IWS1: variants seen among roughly 807,000 people sequenced by gnomAD.
IWS1 encodes the protein interacts with SUPT6H, CTD assembly factor 1, also known as protein IWS1 homolog.
A neutral mutation model predicts 86.7 loss-of-function variants in IWS1; 27 were observed. The ratio of observed to expected loss-of-function variants is 0.31; its 90% confidence interval spans 0.23 to 0.43. IWS1 has a LOEUF of 0.43. Among genes scored for constraint, IWS1 ranks in the 20% least tolerant of loss-of-function variants. The pLI is 1.00. For missense variants in IWS1, 827 were observed against 1,000.8 expected (o/e 0.83, Z 2.34); for synonymous variants, 313 against 335.1 (o/e 0.93, Z 0.72).
In IWS1 at chr2:127,486,326, T is replaced by C. The variant is rs192449640; in HGVS notation, c.2328+227A>G. 2.6e-5 allele frequency: 10 copies of C among 379,692 alleles called. No homozygotes were observed. In the East Asian group the frequency reaches 2.8e-4, roughly 10 times the overall value. 23.5% of individuals were successfully genotyped at this position (379,692 alleles called of 1,614,324 possible). ...GAAGAAACTTCCCTACCTGATAATG[T>C]TGAATTAAGACTGAAGAAAAATTCA... is the stretch of plus-strand genomic sequence containing the variant. On this transcript the variant is annotated intron_variant, in intron 13 of 13. Coordinates refer to ENST00000295321, the MANE Select transcript of IWS1 (RefSeq NM_017969.3).
Position 127,491,681 on chromosome 2 carries a change from G to A in IWS1, c.2047+290C>T, listed in dbSNP as rs781169496. On this transcript the variant is annotated intron_variant, in intron 10 of 13. Transcript: ENST00000295321. ...GATGGTCTCGATCTCCTGACCTTGT[G>A]ATCCGCCCACCTAAGCCTCCCAAAG... Among the ~76,000 whole-genome samples, 105 of 152,088 alleles carry A rather than the reference G, an allele frequency of 6.9e-4. 1 individual carries two copies. The highest frequency in any genetic ancestry group is 6.2e-4 in the Non-Finnish European group (42 of 68,010).
intron 2 of IWS1, among the ~76,000 whole-genome samples, chr2:127,513,368 T>C (rs17261887): frequency 0.062 from 9,503 of 152,306 alleles, 418 homozygotes; most frequent in Non-Finnish European, 0.09. Context: ...TAATTGGGAA[T>C]ACAAAATATT....
chr2:127,493,571 G>A (rs1447441562), intron 8 of IWS1, among the ~76,000 whole-genome samples, 161 bp from the exon 9 acceptor site: 1 of 152,236 alleles, frequency 6.6e-6, no homozygotes, highest in East Asian at 1.9e-4. Context: ...AAAGCAGTAT[G>A]ACATTTAGTT....
intron 2 of IWS1, among the ~76,000 whole-genome samples, chr2:127,513,230 G>A (rs1180425367): frequency 6.6e-6 from 1 of 151,872 alleles, no homozygotes. Context: ...GACAGAGTGA[G>A]ACTGTGTCTC....
At chr2:127,491,506 C>T (rs62156572) in intron 10 of IWS1, among the ~76,000 whole-genome samples, 21,815 of 151,980 alleles carry the variant, frequency 0.14, 1,776 homozygotes, top group South Asian at 0.3. Context: ...TGCAGTGGCG[C>T]GATCTCGGCT....
intron 5 of IWS1, among the ~76,000 whole-genome samples, chr2:127,502,384 C>T (rs903294568): frequency 6.6e-6 from 1 of 152,182 alleles, no homozygotes; most frequent in African/African-American, 2.4e-5. Context: ...ACTGAATTAC[C>T]ACTTTAGGTT....
At chr2:127,521,643 T>C (rs932210911) in intron 2 of IWS1, among the ~76,000 whole-genome samples, 4 of 152,240 alleles carry the variant, frequency 2.6e-5, no homozygotes, top group South Asian at 2.1e-4. Flanking sequence ...TAATAGAATG[T>C]TGAGTATCTC....
intron 2 of IWS1, among the ~76,000 whole-genome samples, chr2:127,508,400 T>C (rs1442584141): frequency 6.6e-6 from 1 of 152,206 alleles, no homozygotes; most frequent in Non-Finnish European, 1.5e-5. Context: ...CAGTTTGTGA[T>C]GGCTGAGTTA....
rs996718323 is a variant in IWS1 at position 127,499,263 on chromosome 2, C to T, written c.1468-1026G>A. Among the ~76,000 whole-genome samples the T allele has an allele frequency of 1.3e-5, 2 of 151,662 alleles. No homozygotes were observed. Among genetic ancestry groups the T allele is most frequent in the East Asian group, 3.9e-4 (2 of 5,142 alleles). On this transcript the variant is annotated intron_variant, in intron 5 of 13. Transcript: ENST00000295321. This position sits in a 1 kb window ranked among gnomAD's most constrained non-coding sequence, Gnocchi z 4.0. ...CTGCCACCATGCCCAGCTAATTTTTCGTATTTTTAGTAGAGATGGGGTTTC... is the reference window on the plus strand; with the variant it reads ...CTGCCACCATGCCCAGCTAATTTTTTGTATTTTTAGTAGAGATGGGGTTTC...
At chr2:127,509,340 A>C (rs545426351) in intron 2 of IWS1, among the ~76,000 whole-genome samples, 4 of 152,326 alleles carry the variant, frequency 2.6e-5, no homozygotes, top group African/African-American at 9.6e-5. Context: ...TCATTTCTAA[A>C]ATAATGTAAC....
chr2:127,518,562 CT>C lies in IWS1; in HGVS notation c.150+5113del, dbSNP rs747745807. Reference sequence around the variant, plus strand: ...GCTGCTTTTTAAAGGACAGGCGATTCTTTTTTTTTTTTTTTTTTTTGAGGCA... The same window carrying C: ...GCTGCTTTTTAAAGGACAGGCGATTCTTTTTTTTTTTTTTTTTTTGAGGCA... On this transcript the variant is annotated intron_variant, in intron 2 of 13. Coordinates refer to ENST00000295321, the MANE Select transcript of IWS1 (RefSeq NM_017969.3). Among the ~76,000 whole-genome samples, 829 of 116,842 alleles carry C rather than the reference CT, an allele frequency of 7.1e-3. 6 individuals carry two copies. The highest frequency in any genetic ancestry group is 0.024 in the African/African-American group (716 of 29,862). The allele number at this position is 116,842 out of a possible 152,430, so 76.7% of individuals were successfully genotyped here.
intron 12 of IWS1, 145 bp from the exon 13 acceptor site, chr2:127,486,809 C>G: frequency 1.5e-6 from 1 of 648,506 alleles, no homozygotes; most frequent in Non-Finnish European, 2.8e-6. Flanking sequence ...GTCACCCAAT[C>G]CACCCTCCTG....
At position 127,526,384 on chromosome 2, in the gene IWS1, T is replaced by C. The variant is rs569587256; in HGVS notation, c.-176A>G. 144 of 1,536,060 alleles carry C rather than the reference T, an allele frequency of 9.4e-5. No homozygotes were observed. In the South Asian group the frequency reaches 1.6e-3, roughly 18 times the overall value. On this transcript the variant is annotated 5_prime_UTR_variant, in exon 1 of 14. Coordinates refer to ENST00000295321, the MANE Select transcript of IWS1 (RefSeq NM_017969.3). Reference sequence around the variant, plus strand: ...AGCGGCAAAGGCGAATTCTTTGACCTGGAAGCCCCGGCGGAAAAGGCCGTA... The same window carrying C: ...AGCGGCAAAGGCGAATTCTTTGACCCGGAAGCCCCGGCGGAAAAGGCCGTA...
chr2:127,484,218 G>A (rs1160445401), intron 13 of IWS1, among the ~76,000 whole-genome samples: 3 of 152,058 alleles, frequency 2.0e-5, no homozygotes, highest in African/African-American at 4.8e-5. Flanking sequence ...AGGCTGAGGC[G>A]GGAGAATGGT....
intron 10 of IWS1, among the ~76,000 whole-genome samples, chr2:127,491,345 G>A (rs1690215918): frequency 6.6e-6 from 1 of 152,186 alleles, no homozygotes; most frequent in African/African-American, 2.4e-5. Context: ...GTGGATTCAT[G>A]ATCTGAACCC....
intron 13 of IWS1, among the ~76,000 whole-genome samples, chr2:127,485,511 A>G (rs1689881115): frequency 6.6e-6 from 1 of 152,222 alleles, no homozygotes; most frequent in South Asian, 2.1e-4. Context: ...ACAGCAGGAA[A>G]CAAGCTACCT....
intron 13 of IWS1, among the ~76,000 whole-genome samples, chr2:127,485,563 A>C (rs12476558): frequency 6.6e-6 from 1 of 152,038 alleles, no homozygotes; most frequent in East Asian, 1.9e-4. Context: ...CCTGTAACAC[A>C]TATCACTGTA....
intron 2 of IWS1, among the ~76,000 whole-genome samples, chr2:127,520,669 T>C (rs1692045711): frequency 6.6e-6 from 1 of 152,224 alleles, no homozygotes; most frequent in African/African-American, 2.4e-5. Context: ...ATAACCTTCC[T>C]GGAGAGGAAT....
chr2:127,482,726 A>G (rs3732205), intron 13 of IWS1: 20,753 of 152,310 alleles, frequency 0.14, 1,720 homozygotes, highest in South Asian at 0.3. Flanking sequence ...GTTACAAAAT[A>G]TATGACTGGT....
Sources: allele counts gnomAD v4.1 joint callset (sites outside exome capture counted in the v4.1 genomes callset), GRCh38; gene constraint gnomAD v4.1.1; non-coding constraint Gnocchi (gnomAD v3.1); transcripts MANE v1.5; gene names NCBI Gene and HGNC (gene_info 2026-07-23, HGNC 2026-07-21).